Variants in TCF7L1 observed in about 807,000 individuals in gnomAD.
TCF7L1 encodes the protein transcription factor 7-like 1.
TCF7L1 carries 18 observed loss-of-function variants against 63.7 expected under a neutral mutation model. That is an observed-to-expected ratio of 0.28 (90% CI 0.20 to 0.42). The LOEUF is 0.42. TCF7L1 is among the 10% of genes least tolerant of loss of function. TCF7L1 has a pLI of 1.00. For synonymous variants in TCF7L1, 355 were observed against 340.9 expected, an observed-to-expected ratio of 1.04 and a Z score of -0.46; for missense variants, 654 against 779.3, an observed-to-expected ratio of 0.84 and a Z score of 1.91.
At chr2:85,199,985 A>C (rs1314290935) in intron 3 of TCF7L1, among the ~76,000 whole-genome samples, 6 of 152,214 alleles carry the variant, frequency 3.9e-5, no homozygotes, top group East Asian at 1.9e-4. Flanking sequence ...GCATTTCGTC[A>C]GATGGAGTCA....
At chr2:85,201,669 G>A (rs1679275735) in intron 3 of TCF7L1, among the ~76,000 whole-genome samples, 1 of 152,128 alleles carries the variant, frequency 6.6e-6, no homozygotes, top group African/African-American at 2.4e-5. Flanking sequence ...ACCATTTGAG[G>A]AGCCGCCAGC....
chr2:85,264,162 T>C (rs1680917717), intron 3 of TCF7L1, among the ~76,000 whole-genome samples: 1 of 152,194 alleles, frequency 6.6e-6, no homozygotes, highest in Non-Finnish European at 1.5e-5. Flanking sequence ...CCATTCTTCC[T>C]TCTTTGAAGG....
intron 3 of TCF7L1, among the ~76,000 whole-genome samples, chr2:85,169,241 T>A (rs1678493565): frequency 6.6e-6 from 1 of 152,110 alleles, no homozygotes; most frequent in South Asian, 2.1e-4. Context: ...CCTTCCCCAC[T>A]GAACACACCT....
At chr2:85,272,455 C>T (rs527575229) in intron 3 of TCF7L1, among the ~76,000 whole-genome samples, 1 of 152,258 alleles carries the variant, frequency 6.6e-6, no homozygotes, top group Non-Finnish European at 1.5e-5. Flanking sequence ...ATTTAATTGG[C>T]TTTTCTCACT....
At chr2:85,299,388 A>G (rs1214498983) in intron 4 of TCF7L1, among the ~76,000 whole-genome samples, 1 of 149,396 alleles carries the variant, frequency 6.7e-6, no homozygotes, top group East Asian at 2.0e-4. Context: ...CATCTCTACT[A>G]AAAATACAAA....
chr2:85,221,032 AG>A (rs1401203405), intron 3 of TCF7L1, among the ~76,000 whole-genome samples: 3 of 152,238 alleles, frequency 2.0e-5, no homozygotes, highest in African/African-American at 7.2e-5. Context: ...TAGAGACCCA[AG>A]TCTATTGTTA....
chr2:85,239,354 C>T (rs1339353004), intron 3 of TCF7L1, among the ~76,000 whole-genome samples: 1 of 152,152 alleles, frequency 6.6e-6, no homozygotes, highest in Non-Finnish European at 1.5e-5. Context: ...CTGCCACGGA[C>T]ACAGACCCCA....
At chr2:85,203,573 T>A (rs1019916891) in intron 3 of TCF7L1, among the ~76,000 whole-genome samples, 2 of 151,598 alleles carry the variant, frequency 1.3e-5, no homozygotes, top group South Asian at 2.1e-4. Context: ...CAAAAAAAAA[T>A]TTTAAATTAG....
intron 3 of TCF7L1, among the ~76,000 whole-genome samples, chr2:85,197,850 G>A (rs1332541035): frequency 6.6e-6 from 1 of 152,192 alleles, no homozygotes; most frequent in African/African-American, 2.4e-5. Flanking sequence ...CTGGCCAGGT[G>A]GCAGGTGCAA....
chr2:85,263,149 G>C (rs1331796736), intron 3 of TCF7L1, among the ~76,000 whole-genome samples: 2 of 152,226 alleles, frequency 1.3e-5, no homozygotes, highest in African/African-American at 4.8e-5. Flanking sequence ...CAAAAGACTT[G>C]GGGGCATAAA....
In TCF7L1 at chr2:85,188,345, T is replaced by C. The variant is rs75438309; in HGVS notation, c.441+53895T>C. 5.7e-3 allele frequency among the ~76,000 whole-genome samples: 873 copies of C among 152,362 alleles called. 15 individuals carry two copies. The highest frequency in any genetic ancestry group is 0.02 in the African/African-American group (838 of 41,560). On this transcript the variant is annotated intron_variant, in intron 3 of 11. Transcript: ENST00000282111. The stretch of plus-strand genomic sequence containing the variant: ...TGTGCCAATCTCAATATCCTAGTTT[T>C]GATAGCATGCTAGTTAGCTATGCAA...
chr2:85,263,817 A>C (rs899899696), intron 3 of TCF7L1, among the ~76,000 whole-genome samples: 1 of 152,230 alleles, frequency 6.6e-6, no homozygotes, highest in Non-Finnish European at 1.5e-5. Flanking sequence ...CCCAGAGAAC[A>C]CCAGCTTTCG....
At chr2:85,286,346 C>T (rs1298669114) in intron 4 of TCF7L1, among the ~76,000 whole-genome samples, 1 of 151,368 alleles carries the variant, frequency 6.6e-6, no homozygotes, top group Admixed American at 6.6e-5. Context: ...CAGAGCAAGA[C>T]TCTGTGACTC....
At chr2:85,180,593 G>A (rs1156334326) in intron 3 of TCF7L1, among the ~76,000 whole-genome samples, 2 of 152,112 alleles carry the variant, frequency 1.3e-5, no homozygotes, top group East Asian at 3.9e-4. Flanking sequence ...CACACCACCT[G>A]GCTCATGATG....
At chr2:85,308,376 C>CTTTTCTCCCTCCCTCG (rs1682171609) in intron 11 of TCF7L1, among the ~76,000 whole-genome samples, 1 of 108,468 alleles carries the variant, frequency 9.2e-6, no homozygotes, top group Non-Finnish European at 2.0e-5. Flanking sequence ...TTCCTCCCTC[C>CTTTTCTCCCTCCCTCG]CTTTCACCTT....
intron 4 of TCF7L1, among the ~76,000 whole-genome samples, chr2:85,297,338 C>T (rs773269162): frequency 2.0e-5 from 3 of 152,168 alleles, no homozygotes; most frequent in Non-Finnish European, 2.9e-5. Flanking sequence ...TGCAGCACAC[C>T]ACTTTCAGGA....
chr2:85,161,781 G>A (rs927748162), intron 3 of TCF7L1, among the ~76,000 whole-genome samples: 1 of 152,222 alleles, frequency 6.6e-6, no homozygotes, highest in Non-Finnish European at 1.5e-5. Flanking sequence ...ACTTGGTCAG[G>A]TTGGTGCCAG....
rs1220107474 is a variant in TCF7L1, at chr2:85,306,441, C to G, written c.1150-11C>G. The G allele has an allele frequency of 6.2e-7, 1 of 1,614,108 alleles. No homozygotes were observed. Among genetic ancestry groups the G allele is most frequent in the Admixed American group, 1.7e-5 (1 of 60,026 alleles). Reference sequence around the variant, plus strand: ...ATGGCTCCGTGTGGTCTCTGACCCTCTCTCCCCCAGTGGCACAACCTGTCT... The same window carrying G: ...ATGGCTCCGTGTGGTCTCTGACCCTGTCTCCCCCAGTGGCACAACCTGTCT... On this transcript the variant is annotated splice_polypyrimidine_tract_variant and intron_variant, in intron 9 of 11. Transcript: ENST00000282111. The surrounding 1 kb of genome is among the most constrained non-coding windows in gnomAD (Gnocchi z 4.3).
rs7569653 is a variant in TCF7L1, at chr2:85,294,400, G to C, written c.526-8084G>C. Among the ~76,000 whole-genome samples the C allele has an allele frequency of 8.8e-3, 1,330 of 151,952 alleles. 70 individuals carry two copies. Among genetic ancestry groups the C allele is most frequent in the Admixed American group, 0.074 (1,132 of 15,266 alleles). On this transcript the variant is annotated intron_variant, in intron 4 of 11. Transcript: ENST00000282111. ...CTCTGGGTGAATCACACTTTGCAGA[G>C]TTTGATTCAGTGGGTCGCGGTAGGT...
Sources: gnomAD v4.1 joint callset for allele counts (sites outside exome capture counted in the v4.1 genomes callset) on GRCh38, gnomAD v4.1.1 for gene constraint, Gnocchi (gnomAD v3.1) non-coding constraint, MANE v1.5 for transcripts, NCBI Gene and HGNC (gene_info 2026-07-23, HGNC 2026-07-21) for gene names.